C4BPA: variants seen among roughly 807,000 people sequenced by gnomAD.
The protein encoded by C4BPA is complement component 4 binding protein alpha, also known as C4b-binding protein alpha chain.
Under a neutral mutation model 63.7 loss-of-function variants are expected in C4BPA, and 31 were observed. The observed-to-expected ratio is 0.49, with a 90% CI of 0.37 to 0.66. The LOEUF (loss-of-function observed/expected upper bound fraction) is 0.66. Ranked by LOEUF, C4BPA falls within the 30% of genes least tolerant of loss-of-function variation. The pLI, the probability that C4BPA is intolerant of heterozygous loss-of-function variation, is 0.00. For synonymous variants in C4BPA, 259 were observed against 254.7 expected, an observed-to-expected ratio of 1.02 and a Z score of -0.16; for missense variants, 572 against 723.3, an observed-to-expected ratio of 0.79 and a Z score of 2.40.
At chr1:207,117,337 G>C (rs1157658417) in intron 4 of C4BPA, among the ~76,000 whole-genome samples, 2 of 152,116 alleles carry the variant, frequency 1.3e-5, no homozygotes, top group Non-Finnish European at 2.9e-5. Flanking sequence ...TCTAGTCCCA[G>C]CTATGCAACA....
intron 4 of C4BPA, among the ~76,000 whole-genome samples, chr1:207,118,213 G>GTCTATCTATCTATCA (rs1684848434): frequency 7.3e-6 from 1 of 137,384 alleles, no homozygotes; most frequent in African/African-American, 2.7e-5. Flanking sequence ...TCTATCATCT[G>GTCTATCTATCTATCA]TCTATCTATC....
In C4BPA at chr1:207,144,565, C is replaced by G. The variant is rs1685492048; in HGVS notation, c.1642C>G (p.Gln548Glu). The G allele has an allele frequency of 6.2e-7, 1 of 1,611,660 alleles. No individual in the cohort carries two copies. The highest frequency in any genetic ancestry group is 2.2e-5 in the East Asian group (1 of 44,816). ...CEWETPEGCE[Q>E]VLTGKRLMQC... ...TTAGGAGACCCCCGAAGGCTGTGAA[C>G]AAGTGCTCACAGGCAAAAGACTCAT... Residue 548 changes from glutamine to glutamate, a missense_variant, in exon 12 of 12, where the codon CAA becomes GAA. This residue lies in a region of C4BPA where 465 missense variants were observed against 629.4 expected (regional missense o/e 0.74). Transcript: ENST00000367070.
chr1:207,104,778 G>A (rs1420874360), intron 1 of C4BPA, among the ~76,000 whole-genome samples: 1 of 152,188 alleles, frequency 6.6e-6, no homozygotes, highest in Non-Finnish European at 1.5e-5. Context: ...GTTGAGGCAA[G>A]GGGTCAATCA....
chr1:207,141,582 C>T (rs562111373), intron 10 of C4BPA, among the ~76,000 whole-genome samples: 2 of 152,214 alleles, frequency 1.3e-5, no homozygotes, highest in Non-Finnish European at 2.9e-5. Context: ...TACCTGTGGC[C>T]TGTGGCAAAG....
At chr1:207,123,152 T>C (rs1198473027) in intron 4 of C4BPA, among the ~76,000 whole-genome samples, 1 of 152,208 alleles carries the variant, frequency 6.6e-6, no homozygotes, top group Non-Finnish European at 1.5e-5. Context: ...ATTTTGCACT[T>C]AGTCTCTGGG....
intron 4 of C4BPA, among the ~76,000 whole-genome samples, chr1:207,123,700 T>C (rs530440839): frequency 2.6e-5 from 4 of 152,288 alleles, no homozygotes; most frequent in East Asian, 3.9e-4. Flanking sequence ...CCCTAGTAGA[T>C]GCTCAGTAAC....
intron 4 of C4BPA, among the ~76,000 whole-genome samples, chr1:207,118,408 G>A (rs568651568): frequency 6.6e-6 from 1 of 152,294 alleles, no homozygotes; most frequent in Non-Finnish European, 1.5e-5. Context: ...CACATGGCTG[G>A]TAAGGCCTCA....
chr1:207,135,794 T>C (rs985721873), intron 9 of C4BPA, among the ~76,000 whole-genome samples: 2 of 152,220 alleles, frequency 1.3e-5, no homozygotes. Context: ...AATAGGCCAT[T>C]CAGTGTTTTC....
At chr1:207,121,524 C>T (rs1402397316) in intron 4 of C4BPA, among the ~76,000 whole-genome samples, 1 of 151,924 alleles carries the variant, frequency 6.6e-6, no homozygotes, top group African/African-American at 2.4e-5. Flanking sequence ...GGTTTGTCTC[C>T]TGTATATAAC....
At chr1:207,135,273 G>A (rs1685256199) in intron 9 of C4BPA, among the ~76,000 whole-genome samples, 3 of 152,090 alleles carry the variant, frequency 2.0e-5, no homozygotes, top group African/African-American at 7.2e-5. Context: ...GGGAGGCGGA[G>A]GTTGCAGTGA....
chr1:207,137,423 G>T (rs1045814447), intron 9 of C4BPA, among the ~76,000 whole-genome samples: 24 of 152,216 alleles, frequency 1.6e-4, no homozygotes, highest in African/African-American at 4.8e-4. Flanking sequence ...ATACATGTAA[G>T]ATTTATACTG....
At chr1:207,107,367 G>A (rs1684582511) in intron 1 of C4BPA, among the ~76,000 whole-genome samples, 2 of 152,180 alleles carry the variant, frequency 1.3e-5, no homozygotes, top group Non-Finnish European at 2.9e-5. Flanking sequence ...GAGCAACATA[G>A]TGAGACCCCT....
intron 1 of C4BPA, among the ~76,000 whole-genome samples, chr1:207,110,836 T>C (rs898841855): frequency 2.6e-4 from 40 of 152,194 alleles, no homozygotes; most frequent in African/African-American, 9.7e-4. Context: ...AACATATATA[T>C]TTTTCTTGTG....
At position 207,116,556 on chromosome 1, in the gene C4BPA, G is replaced by GTATA. The variant is rs147242581; in HGVS notation, c.428+1042_428+1043insATAT. On this transcript the variant is annotated intron_variant, in intron 4 of 11. Coordinates refer to ENST00000367070, the MANE Select transcript of C4BPA (RefSeq NM_000715.4). ...TGTGTGTGTGTGTGTGTGTGTGTGT[G>GTATA]TGTATAATGTTTTTGACTTGGCTAT... Among the ~76,000 whole-genome samples, 430 of 147,306 alleles carry GTATA rather than the reference G, an allele frequency of 2.9e-3. 2 individuals are homozygous for GTATA. The highest frequency in any genetic ancestry group is 0.01 in the African/African-American group (406 of 39,890).
intron 10 of C4BPA, among the ~76,000 whole-genome samples, 181 bp from the exon 11 acceptor site, chr1:207,143,637 T>C (rs1308653397): frequency 6.6e-6 from 1 of 152,116 alleles, no homozygotes; most frequent in Non-Finnish European, 1.5e-5. Flanking sequence ...CAACATAAAG[T>C]GCCTAGCAGA....
intron 9 of C4BPA, among the ~76,000 whole-genome samples, chr1:207,138,221 C>T (rs191869648): frequency 2.6e-5 from 4 of 152,342 alleles, no homozygotes; most frequent in Admixed American, 1.3e-4. Context: ...GGCACTCCTG[C>T]CATAGTGGCT....
intron 1 of C4BPA, among the ~76,000 whole-genome samples, chr1:207,106,913 T>A (rs938231805): frequency 6.6e-5 from 10 of 152,210 alleles, no homozygotes; most frequent in African/African-American, 1.7e-4. Context: ...TGTTTTTTTT[T>A]AACAAAGGAG....
At chr1:207,131,849 G>A (rs1357536424) in intron 8 of C4BPA, 109 bp downstream of exon 8, 7 of 752,704 alleles carry the variant, frequency 9.3e-6, no homozygotes, top group Admixed American at 3.0e-5. Flanking sequence ...TTAGAATTAA[G>A]TTAATTCAAC....
chr1:207,122,724 G>C (rs7538649), intron 4 of C4BPA, among the ~76,000 whole-genome samples: 88,092 of 151,394 alleles, frequency 0.58, 26,906 homozygotes, highest in East Asian at 0.73. Flanking sequence ...CAGGAGAGCA[G>C]CACCATGCCC....
Sources: gnomAD v4.1 joint callset for allele counts (sites outside exome capture counted in the v4.1 genomes callset) on GRCh38, gnomAD v4.1.1 for gene constraint, gnomAD v4.1.1 regional missense constraint, MANE v1.5 for transcripts, NCBI Gene and HGNC (gene_info 2026-07-23, HGNC 2026-07-21) for gene names.